Variants in LARGE1 observed in about 807,000 individuals in gnomAD.
The protein encoded by LARGE1 is LARGE xylosyl- and glucuronyltransferase 1.
Under a neutral mutation model 87.6 loss-of-function variants are expected in LARGE1, and 43 were observed. The ratio of observed to expected loss-of-function variants is 0.49; its 90% CI spans 0.38 to 0.63. The LOEUF (loss-of-function observed/expected upper bound fraction) is 0.63, where lower values mean the gene tolerates loss of function less well. Ranked by LOEUF, LARGE1 falls within the 30% of genes least tolerant of loss-of-function variation. The pLI, the probability that LARGE1 is intolerant of heterozygous loss-of-function variation, is 0.00. For missense variants in LARGE1, 802 were observed against 1,000.2 expected (o/e 0.80, Z 2.67); for synonymous variants, 434 against 394.6 (o/e 1.10, Z -1.18).
At chr22:33,278,762 C>A (rs376147048) in intron 13 of LARGE1, among the ~76,000 whole-genome samples, 1 of 152,082 alleles carries the variant, frequency 6.6e-6, no homozygotes, top group African/African-American at 2.4e-5. Flanking sequence ...GCTCTGTCTC[C>A]AGGCTGGAGT....
chr22:33,504,481 A>G (rs2070669857), intron 6 of LARGE1, among the ~76,000 whole-genome samples: 1 of 152,186 alleles, frequency 6.6e-6, no homozygotes. Context: ...GCTGGTCTCA[A>G]ACTCCTGACC....
intron 2 of LARGE1, among the ~76,000 whole-genome samples, chr22:33,697,179 T>C (rs2082276528): frequency 6.6e-6 from 1 of 152,180 alleles, no homozygotes; most frequent in South Asian, 2.1e-4. Flanking sequence ...TGTTATTTTC[T>C]TTTTGAGGCA....
chr22:33,446,455 G>T (rs2067689841), intron 6 of LARGE1, among the ~76,000 whole-genome samples: 1 of 152,212 alleles, frequency 6.6e-6, no homozygotes, highest in Non-Finnish European at 1.5e-5. Flanking sequence ...GGTTTTGTGG[G>T]ATGGAGCTCT....
intron 2 of LARGE1, among the ~76,000 whole-genome samples, chr22:33,660,002 G>A (rs1023287580): frequency 2.6e-5 from 4 of 151,658 alleles, no homozygotes; most frequent in East Asian, 1.9e-4. Context: ...GTGTTCTAAC[G>A]AGCAATGATA....
intron 5 of LARGE1, among the ~76,000 whole-genome samples, chr22:33,583,804 A>G (rs2078589778): frequency 6.6e-6 from 1 of 152,200 alleles, no homozygotes. Context: ...CTCCCCCATA[A>G]GAACACACTT....
At chr22:33,461,252 T>C (rs1015239127) in intron 6 of LARGE1, among the ~76,000 whole-genome samples, 2 of 152,176 alleles carry the variant, frequency 1.3e-5, no homozygotes, top group South Asian at 2.1e-4. Context: ...TGTGTCACCA[T>C]GCTCCAGCCT....
At chr22:33,455,934 T>A (rs2068114699) in intron 6 of LARGE1, among the ~76,000 whole-genome samples, 2 of 152,136 alleles carry the variant, frequency 1.3e-5, no homozygotes, top group African/African-American at 4.8e-5. Flanking sequence ...AAACACGACA[T>A]CTAACTCTAA....
At chr22:33,729,862 C>T (rs564511408) in intron 2 of LARGE1, among the ~76,000 whole-genome samples, 23 of 152,278 alleles carry the variant, frequency 1.5e-4, no homozygotes, top group African/African-American at 5.3e-4. Context: ...CATGCTTACC[C>T]GTTCTCCCCT....
chr22:33,104,880 A>G, the LARGE1 span, among the ~76,000 whole-genome samples: 2 of 83,766 alleles, frequency 2.4e-5, 1 homozygote, highest in South Asian at 1.0e-3. Context: ...ACTTCAATAG[A>G]CTTTCTCTCT....
the LARGE1 span, among the ~76,000 whole-genome samples, chr22:33,089,434 TTCTTCTTCC>T: frequency 4.3e-5 from 6 of 139,322 alleles, no homozygotes; most frequent in Admixed American, 3.7e-4. Context: ...CCTCTTCCTC[TTCTTCTTCC>T]TCTTCTTCTT....
chr22:33,858,427 G>A (rs2063819563), intron 1 of LARGE1, among the ~76,000 whole-genome samples: 1 of 152,262 alleles, frequency 6.6e-6, no homozygotes, highest in African/African-American at 2.4e-5. Flanking sequence ...AAAGAGGGTA[G>A]CCATTGCTGG....
chr22:33,172,725 T>G (rs1922642368), intron 11 of LARGE1, among the ~76,000 whole-genome samples: 1 of 152,120 alleles, frequency 6.6e-6, no homozygotes, highest in Non-Finnish European at 1.5e-5. Context: ...CAAGTATCAA[T>G]AGTCAAATTG....
intron 6 of LARGE1, among the ~76,000 whole-genome samples, chr22:33,492,920 C>T (rs529025238): frequency 6.6e-6 from 1 of 152,112 alleles, no homozygotes; most frequent in Non-Finnish European, 1.5e-5. Context: ...GTGGGCAATG[C>T]GCACCCTGTT....
intron 1 of LARGE1, among the ~76,000 whole-genome samples, chr22:33,772,845 CTGAATGAA>C (rs56761832): frequency 0.72 from 108,516 of 151,250 alleles, 39,250 homozygotes; most frequent in East Asian, 0.79. Flanking sequence ...TGAGTATCTG[CTGAATGAA>C]TGAATGAATG....
chr22:33,286,637 G>A (rs1316352709), intron 12 of LARGE1, among the ~76,000 whole-genome samples: 1 of 152,198 alleles, frequency 6.6e-6, no homozygotes, highest in Non-Finnish European at 1.5e-5. Context: ...GATTGCATTT[G>A]TAGCTGATTA....
chr22:33,889,283 C>T (rs944502977), intron 1 of LARGE1: 3 of 152,216 alleles, frequency 2.0e-5, no homozygotes, highest in Admixed American at 2.0e-4. Flanking sequence ...GTATGTCTGA[C>T]AATTTTCGTG....
chr22:33,189,830 G>A (rs1923683051), intron 11 of LARGE1, among the ~76,000 whole-genome samples: 1 of 152,192 alleles, frequency 6.6e-6, no homozygotes, highest in African/African-American at 2.4e-5. Context: ...CAGATCCAGA[G>A]TTAGGAGTCG....
At position 33,836,442 on chromosome 22, in the gene LARGE1, C is replaced by A. The variant is rs1220930205; in HGVS notation, c.-82-74884G>T. 3.3e-5 allele frequency among the ~76,000 whole-genome samples: 5 copies of A among 152,292 alleles called. No homozygotes were observed. In the East Asian group the frequency reaches 7.7e-4, roughly 24 times the overall value. On this transcript the variant is annotated intron_variant, in intron 1 of 14. Transcript: ENST00000397394. ...TCCCTCAGGCCAGCAGGACCAAGGACCAGCCTTGTCATATTTTTTTGTCCA... is the reference window on the plus strand; with the variant it reads ...TCCCTCAGGCCAGCAGGACCAAGGAACAGCCTTGTCATATTTTTTTGTCCA...
intron 4 of LARGE1, among the ~76,000 whole-genome samples, chr22:33,619,844 T>A (rs371946772): frequency 1.3e-5 from 2 of 152,318 alleles, no homozygotes; most frequent in South Asian, 4.1e-4. Context: ...AAGAGCTACA[T>A]TTGTATTTGT....
Sources: gnomAD v4.1 joint callset for allele counts (sites outside exome capture counted in the v4.1 genomes callset) on GRCh38, gnomAD v4.1.1 for gene constraint, MANE v1.5 for transcripts, NCBI Gene and HGNC (gene_info 2026-07-23, HGNC 2026-07-21) for gene names.